Variants in GUCY1A2 observed in about 807,000 individuals in gnomAD.
The protein encoded by GUCY1A2 is guanylate cyclase soluble subunit alpha-2.
A neutral mutation model predicts 63.5 loss-of-function variants in GUCY1A2; 27 were observed. The observed-to-expected ratio is 0.43, with a 90% CI of 0.31 to 0.59. GUCY1A2 has a LOEUF of 0.59. Among genes scored for constraint, GUCY1A2 ranks in the 20% least tolerant of loss-of-function variants. The pLI is 0.11. For missense variants in GUCY1A2, 768 were observed against 913.3 expected (o/e 0.84, Z 2.05); for synonymous variants, 364 against 343.5 (o/e 1.06, Z -0.66).
At chr11:106,915,331 A>T (rs1243780919) in intron 4 of GUCY1A2, among the ~76,000 whole-genome samples, 1 of 151,986 alleles carries the variant, frequency 6.6e-6, no homozygotes, top group African/African-American at 2.4e-5. Flanking sequence ...CAGCAACCTT[A>T]TAGGGGACAG....
chr11:106,761,386 A>G (rs2135391971), intron 6 of GUCY1A2, among the ~76,000 whole-genome samples: 1 of 152,298 alleles, frequency 6.6e-6, no homozygotes, highest in African/African-American at 2.4e-5. Context: ...CAAGAAAAGA[A>G]GGATGGGTGT....
intron 3 of GUCY1A2, among the ~76,000 whole-genome samples, chr11:106,969,099 C>T (rs1213602536): frequency 6.6e-6 from 1 of 152,096 alleles, no homozygotes; most frequent in Non-Finnish European, 1.5e-5. Context: ...AAAAATGGGA[C>T]TAACAGTGGG....
chr11:106,968,925 T>C (rs750202228), intron 3 of GUCY1A2, among the ~76,000 whole-genome samples: 6 of 152,108 alleles, frequency 3.9e-5, no homozygotes, highest in Non-Finnish European at 7.3e-5. Context: ...TCACTTTAGG[T>C]ACTACTATGA....
At position 106,710,227 on chromosome 11, in the gene GUCY1A2, G is replaced by T. The variant is rs1232148095; in HGVS notation, c.1837-1561C>A. ...ATATTATATACATGTATATAATATAGTTATATATATAATATATAGTTATAT... is the reference window on the plus strand; with the variant it reads ...ATATTATATACATGTATATAATATATTTATATATATAATATATAGTTATAT... On this transcript the variant is annotated intron_variant, in intron 6 of 7. Coordinates refer to ENST00000526355, the MANE Select transcript of GUCY1A2 (RefSeq NM_000855.3). Among the ~76,000 whole-genome samples, 27 of 10,758 alleles carry T rather than the reference G, an allele frequency of 2.5e-3. 5 individuals carry two copies. Among genetic ancestry groups the T allele is most frequent in the African/African-American group, 0.017 (23 of 1,316 alleles). 7.1% of individuals were successfully genotyped at this position (10,758 alleles called of 152,430 possible). A position where few individuals can be genotyped will look rare whatever the true frequency, so the allele number is the denominator to read the frequency against.
At chr11:106,854,376 G>A (rs1591302872) in intron 4 of GUCY1A2, among the ~76,000 whole-genome samples, 1 of 152,302 alleles carries the variant, frequency 6.6e-6, no homozygotes, top group African/African-American at 2.4e-5. Flanking sequence ...GGCCTGGGAA[G>A]TGCACATGTG....
chr11:107,007,045 T>G (rs1201763419), intron 1 of GUCY1A2, among the ~76,000 whole-genome samples: 1 of 152,154 alleles, frequency 6.6e-6, no homozygotes, highest in Non-Finnish European at 1.5e-5. Context: ...ACCCGTAGAC[T>G]GTCTTATATT....
chr11:106,795,598 G>A (rs1012795811), intron 5 of GUCY1A2, among the ~76,000 whole-genome samples: 4 of 151,504 alleles, frequency 2.6e-5, no homozygotes, highest in African/African-American at 9.8e-5. Flanking sequence ...CAGTCTCACA[G>A]CGATTTTGTT....
chr11:106,857,891 C>T (rs1042376871), intron 4 of GUCY1A2, among the ~76,000 whole-genome samples: 4 of 152,130 alleles, frequency 2.6e-5, no homozygotes, highest in African/African-American at 9.7e-5. Flanking sequence ...CATTTTATAT[C>T]AGGAACTTGA....
chr11:106,759,276 G>A (rs896503506), intron 6 of GUCY1A2, among the ~76,000 whole-genome samples: 2 of 152,008 alleles, frequency 1.3e-5, no homozygotes, highest in Admixed American at 6.6e-5. Flanking sequence ...TTCTTAATGG[G>A]TATTTTATTA....
At chr11:106,721,894 C>A (rs1031911191) in intron 6 of GUCY1A2, among the ~76,000 whole-genome samples, 10 of 152,142 alleles carry the variant, frequency 6.6e-5, no homozygotes, top group Admixed American at 2.0e-4. Context: ...TATGTTGCAC[C>A]CATAGTACCT....
intron 6 of GUCY1A2, among the ~76,000 whole-genome samples, chr11:106,714,003 CT>C (rs5794485): frequency 7.2e-6 from 1 of 138,406 alleles, no homozygotes; most frequent in Admixed American, 7.1e-5. Flanking sequence ...ATTTTACACT[CT>C]TTTTTTCTTT....
intron 3 of GUCY1A2, among the ~76,000 whole-genome samples, chr11:106,974,807 A>G (rs1373378166): frequency 2.0e-5 from 3 of 152,156 alleles, no homozygotes; most frequent in Non-Finnish European, 4.4e-5. Context: ...ATATCTTTTC[A>G]GAACTATGCA....
intron 4 of GUCY1A2, among the ~76,000 whole-genome samples, chr11:106,848,699 C>T (rs999149992): frequency 1.3e-5 from 2 of 151,496 alleles, no homozygotes; most frequent in African/African-American, 2.4e-5. Flanking sequence ...GACAGACATT[C>T]CAAAAGAATA....
At chr11:106,860,190 T>C (rs1402605007) in intron 4 of GUCY1A2, among the ~76,000 whole-genome samples, 1 of 152,050 alleles carries the variant, frequency 6.6e-6, no homozygotes, top group East Asian at 1.9e-4. Flanking sequence ...AAAGAGCTAA[T>C]AATGTATACA....
intron 4 of GUCY1A2, among the ~76,000 whole-genome samples, chr11:106,893,761 C>T (rs114247645): frequency 8.1e-4 from 124 of 152,174 alleles, no homozygotes; most frequent in African/African-American, 2.6e-3. Context: ...CAAGCAAAAA[C>T]GTCCTTGGGA....
At chr11:106,734,087 G>A (rs981505563) in intron 6 of GUCY1A2, among the ~76,000 whole-genome samples, 5 of 152,066 alleles carry the variant, frequency 3.3e-5, no homozygotes, top group Non-Finnish European at 5.9e-5. Flanking sequence ...AGGCAAAGAA[G>A]AAAGAATGAT....
intron 4 of GUCY1A2, among the ~76,000 whole-genome samples, chr11:106,819,596 T>A (rs1051536720): frequency 4.6e-5 from 7 of 152,210 alleles, no homozygotes; most frequent in Non-Finnish European, 1.0e-4. Context: ...AGTTTTTTTT[T>A]ATTAAGGTAT....
intron 4 of GUCY1A2, among the ~76,000 whole-genome samples, chr11:106,834,550 T>C (rs1202095799): frequency 6.6e-6 from 1 of 152,006 alleles, no homozygotes; most frequent in Non-Finnish European, 1.5e-5. Flanking sequence ...ACTGTCATTG[T>C]GCTATAGGCA....
chr11:106,802,250 A>C (rs1858614372), intron 5 of GUCY1A2, among the ~76,000 whole-genome samples: 1 of 152,162 alleles, frequency 6.6e-6, no homozygotes, highest in African/African-American at 2.4e-5. Flanking sequence ...CCTATGTATA[A>C]ACTAAAGGCA....
Sources: allele counts gnomAD v4.1 joint callset (sites outside exome capture counted in the v4.1 genomes callset), GRCh38; gene constraint gnomAD v4.1.1; transcripts MANE v1.5; gene names NCBI Gene and HGNC (gene_info 2026-07-23, HGNC 2026-07-21).